RSPO3: variants seen among roughly 807,000 people sequenced by gnomAD.
RSPO3 encodes the protein R-spondin 3.
Under a neutral mutation model 36.5 loss-of-function variants are expected in RSPO3, and 17 were observed. That is an observed-to-expected ratio of 0.47 (90% CI 0.32 to 0.70). The LOEUF (loss-of-function observed/expected upper bound fraction) is 0.70. RSPO3 is among the 30% of genes least tolerant of loss of function. The pLI is 0.04. For synonymous variants in RSPO3, 108 were observed against 107.0 expected (o/e 1.01, Z -0.06); for missense variants, 294 against 322.5 (o/e 0.91, Z 0.68).
intron 4 of RSPO3, among the ~76,000 whole-genome samples, chr6:127,171,832 C>A (rs1458633124): frequency 6.6e-6 from 1 of 151,606 alleles, no homozygotes; most frequent in Admixed American, 6.6e-5. Flanking sequence ...CTAAGGAGGT[C>A]AAATTCAGAA....
chr6:127,135,941 A>G (rs1774148133), intron 1 of RSPO3, among the ~76,000 whole-genome samples: 1 of 152,002 alleles, frequency 6.6e-6, no homozygotes, highest in Admixed American at 6.6e-5. Flanking sequence ...AAAAAAAAAA[A>G]AAGGCACATG....
chr6:127,191,290 G>A (rs1775405213), intron 4 of RSPO3, among the ~76,000 whole-genome samples: 2 of 152,094 alleles, frequency 1.3e-5, no homozygotes, highest in Admixed American at 1.3e-4. Flanking sequence ...GAAGAAATTG[G>A]GTCTTCTGTT....
At chr6:127,150,186 T>TATATATATATATACAC (rs775035980) in intron 2 of RSPO3, among the ~76,000 whole-genome samples, 21 of 149,444 alleles carry the variant, frequency 1.4e-4, no homozygotes, top group African/African-American at 4.7e-4. Context: ...TATATATATA[T>TATATATATATATACAC]ACACACACAC....
Position 127,198,988 on chromosome 6 carries a change from T to TA in RSPO3, c.*2984dup, listed in dbSNP as rs111673179. Among the ~76,000 whole-genome samples the TA allele has an allele frequency of 0.047, 7,087 of 152,308 alleles. 509 individuals carry two copies. Among genetic ancestry groups the TA allele is most frequent in the African/African-American group, 0.16 (6,615 of 41,538 alleles). ...AAAAGCTGTTCACATTAGTGGTTAT[T>TA]AAATATTGAAATAACACTGGGAAGA... is the stretch of plus-strand genomic sequence containing the variant. On this transcript the variant is annotated 3_prime_UTR_variant, in exon 5 of 5. Coordinates refer to ENST00000356698, the MANE Select transcript of RSPO3 (RefSeq NM_032784.5).
At chr6:127,173,596 A>G (rs2114621063) in intron 4 of RSPO3, among the ~76,000 whole-genome samples, 1 of 152,018 alleles carries the variant, frequency 6.6e-6, no homozygotes, top group East Asian at 1.9e-4. Flanking sequence ...TATGAAGCAT[A>G]TATGGTCTCC....
intron 4 of RSPO3, among the ~76,000 whole-genome samples, chr6:127,178,672 A>G (rs1443419414): frequency 6.6e-6 from 1 of 151,836 alleles, no homozygotes; most frequent in African/African-American, 2.4e-5. Flanking sequence ...GATATGAACT[A>G]TATTTTTATA....
chr6:127,175,082 G>T (rs1775024541), intron 4 of RSPO3, among the ~76,000 whole-genome samples: 1 of 151,674 alleles, frequency 6.6e-6, no homozygotes, highest in Non-Finnish European at 1.5e-5. Context: ...ATGCAAAAAC[G>T]TGATTTTCCC....
intron 4 of RSPO3, among the ~76,000 whole-genome samples, chr6:127,174,202 G>A (rs1400679467): frequency 2.0e-5 from 3 of 151,808 alleles, no homozygotes; most frequent in African/African-American, 7.3e-5. Flanking sequence ...AAGCTTAATG[G>A]CAAATTAGTC....
At chr6:127,142,583 G>C (rs1033313836) in intron 1 of RSPO3, among the ~76,000 whole-genome samples, 1 of 152,132 alleles carries the variant, frequency 6.6e-6, no homozygotes, top group Admixed American at 6.6e-5. Context: ...CTAAGGGAAT[G>C]AATTACTGAA....
chr6:127,184,386 A>AAT (rs1294243905), intron 4 of RSPO3, among the ~76,000 whole-genome samples: 3 of 152,010 alleles, frequency 2.0e-5, no homozygotes, highest in Non-Finnish European at 4.4e-5. Context: ...AAGGCCTAGA[A>AAT]ATATGAATTA....
At chr6:127,190,449 A>G (rs1562255617) in intron 4 of RSPO3, among the ~76,000 whole-genome samples, 1 of 152,108 alleles carries the variant, frequency 6.6e-6, no homozygotes, top group Non-Finnish European at 1.5e-5. Context: ...AACAAAAAAG[A>G]AAAAAGAACA....
At chr6:127,122,782 A>C (rs572804032) in intron 1 of RSPO3, among the ~76,000 whole-genome samples, 6 of 152,358 alleles carry the variant, frequency 3.9e-5, no homozygotes, top group African/African-American at 1.4e-4. Flanking sequence ...TCAATGTCAA[A>C]GAATTAAATA....
chr6:127,145,968 T>C (rs899708628), intron 1 of RSPO3, among the ~76,000 whole-genome samples: 1 of 152,108 alleles, frequency 6.6e-6, no homozygotes. Flanking sequence ...GTTTGGGAAA[T>C]TTGTACTTAG....
chr6:127,154,361 A>G (rs1340916395), intron 3 of RSPO3, among the ~76,000 whole-genome samples: 2 of 152,128 alleles, frequency 1.3e-5, no homozygotes, highest in South Asian at 2.1e-4. Flanking sequence ...GAAGTTCAAA[A>G]ATCTGTTACA....
chr6:127,179,252 A>T (rs898809853), intron 4 of RSPO3, among the ~76,000 whole-genome samples: 2 of 151,844 alleles, frequency 1.3e-5, no homozygotes, highest in Admixed American at 6.6e-5. Context: ...TCTTACAATA[A>T]TTAGATTGAG....
At chr6:127,123,915 G>T (rs527918614) in intron 1 of RSPO3, among the ~76,000 whole-genome samples, 1 of 152,084 alleles carries the variant, frequency 6.6e-6, no homozygotes, top group Admixed American at 6.5e-5. Flanking sequence ...GGAAACCCTT[G>T]CTGCATTGCT....
intron 1 of RSPO3, among the ~76,000 whole-genome samples, chr6:127,138,235 C>T (rs1252439889): frequency 3.3e-5 from 5 of 152,012 alleles, no homozygotes; most frequent in South Asian, 2.1e-4. Flanking sequence ...TTTGGTTTCT[C>T]GGTACCATAT....
chr6:127,181,778 C>T (rs1424503784), intron 4 of RSPO3, among the ~76,000 whole-genome samples: 2 of 151,928 alleles, frequency 1.3e-5, no homozygotes, highest in African/African-American at 2.4e-5. Flanking sequence ...TTGACTACTA[C>T]TCTTTCTCCT....
chr6:127,187,787 C>T (rs1438161611), intron 4 of RSPO3, among the ~76,000 whole-genome samples: 2 of 151,860 alleles, frequency 1.3e-5, no homozygotes, highest in East Asian at 3.9e-4. Flanking sequence ...AGAAATAAAC[C>T]CATACAAAAG....
Sources: allele counts gnomAD v4.1 joint callset (sites outside exome capture counted in the v4.1 genomes callset), GRCh38; gene constraint gnomAD v4.1.1; transcripts MANE v1.5; gene names NCBI Gene and HGNC (gene_info 2026-07-23, HGNC 2026-07-21).